The following PCDHGB1 variants were observed in gnomAD, a reference collection of about 807,000 sequenced individuals.
PCDHGB1 encodes the protein protocadherin gamma subfamily B, 1, also known as protocadherin gamma-B1.
In PCDHGB1, 34 loss-of-function variants were observed where a neutral mutation model predicts 56.6. The observed-to-expected ratio is 0.60, with a 90% CI of 0.46 to 0.80. The LOEUF is 0.80. PCDHGB1 is among the 30% of genes least tolerant of loss of function. PCDHGB1 has a pLI of 0.00. For missense variants in PCDHGB1, 1,278 were observed against 1,204.6 expected (o/e 1.06, Z -0.90); for synonymous variants, 561 against 505.9 (o/e 1.11, Z -1.46).
At position 141,486,927 on chromosome 5, in the gene PCDHGB1, G is replaced by A; in HGVS notation, c.2410-7880G>A. ...CCCCAAGCACTGCCTCCATCAGTTG[G>A]TGCTGGCCACCTAATCACAAAGGTG... On this transcript the variant is annotated intron_variant, in intron 1 of 3. Transcript: ENST00000523390. The surrounding 1 kb of genome is among the most constrained non-coding windows in gnomAD (Gnocchi z 5.0). 4 of 1,614,226 alleles carry A rather than the reference G, an allele frequency of 2.5e-6. No individual in the cohort carries two copies. Among genetic ancestry groups the A allele is most frequent in the Non-Finnish European group, 3.4e-6 (4 of 1,180,046 alleles).
At chr5:141,385,323 G>C (rs1781122610) in intron 1 of PCDHGB1, 1 of 1,607,092 alleles carries the variant, frequency 6.2e-7, no homozygotes, top group Non-Finnish European at 8.5e-7. Flanking sequence ...CAAGTATTCA[G>C]GTGAGCCCAG....
intron 1 of PCDHGB1, chr5:141,375,291 G>C: frequency 4.3e-6 from 7 of 1,613,756 alleles, no homozygotes; most frequent in Non-Finnish European, 5.9e-6. Context: ...AATTATTATC[G>C]ATTAGTGACA....
At chr5:141,372,966 C>T (rs1024382365) in intron 1 of PCDHGB1, 3 of 687,330 alleles carry the variant, frequency 4.4e-6, no homozygotes, top group Non-Finnish European at 7.0e-6. Context: ...TGTAGAATTT[C>T]CTGTAGAATA....
intron 1 of PCDHGB1, chr5:141,355,064 T>C (rs1759705435): frequency 7.5e-7 from 1 of 1,325,416 alleles, no homozygotes; most frequent in Non-Finnish European, 1.0e-6. Context: ...GCTCTGGAGC[T>C]TTATGAAAGC....
chr5:141,421,043 C>G (rs1201118615), intron 1 of PCDHGB1: 2 of 548,238 alleles, frequency 3.6e-6, no homozygotes, highest in Non-Finnish European at 6.3e-6. Flanking sequence ...CCTCCCTCCC[C>G]CGCCTCTACC....
At chr5:141,499,343 G>C (rs1184175548) in intron 2 of PCDHGB1, among the ~76,000 whole-genome samples, 1 of 152,146 alleles carries the variant, frequency 6.6e-6, no homozygotes, top group Non-Finnish European at 1.5e-5. Context: ...AGTTTGGGCA[G>C]TCATTCAACA....
intron 2 of PCDHGB1, among the ~76,000 whole-genome samples, chr5:141,502,832 G>T (rs1266910323): frequency 6.6e-6 from 1 of 150,516 alleles, no homozygotes; most frequent in Non-Finnish European, 1.5e-5. Context: ...GGGGAAGCCT[G>T]GACTGGCTGA....
chr5:141,387,669 TCTC>T lies in PCDHGB1; in HGVS notation c.2409+35004_2409+35006del, dbSNP rs61279892. 2,271 of 693,780 alleles carry T rather than the reference TCTC, an allele frequency of 3.3e-3. 45 individuals are homozygous for T. In the African/African-American group the frequency reaches 0.034, roughly 10 times the overall value. 43.0% of individuals were successfully genotyped at this position (693,780 alleles called of 1,614,324 possible). A position where few individuals can be genotyped will look rare whatever the true frequency, so the allele number is the denominator to read the frequency against. ...AAAGTGGAGAGCTTGGCGCTCCAGA[TCTC>T]CTCGCGCAGCCGCAGCGCGCTTTCC... On this transcript the variant is annotated intron_variant, in intron 1 of 3. Coordinates refer to ENST00000523390, the MANE Select transcript of PCDHGB1 (RefSeq NM_018922.3).
chr5:141,364,815 T>C, intron 1 of PCDHGB1: 1 of 1,613,998 alleles, frequency 6.2e-7, no homozygotes, highest in South Asian at 1.1e-5. Context: ...GATGCGGATG[T>C]GGGTGTGAAC....
At chr5:141,373,075 G>T (rs1337771380) in intron 1 of PCDHGB1, among the ~76,000 whole-genome samples, 1 of 152,076 alleles carries the variant, frequency 6.6e-6, no homozygotes, top group Non-Finnish European at 1.5e-5. Flanking sequence ...TTTTAATACA[G>T]TATTATCTCA....
rs1030462993 is a variant in PCDHGB1 at position 141,367,932 on chromosome 5, A to G, written c.2409+15263A>G. On this transcript the variant is annotated intron_variant, in intron 1 of 3. Coordinates refer to ENST00000523390, the MANE Select transcript of PCDHGB1 (RefSeq NM_018922.3). Reference sequence around the variant, plus strand: ...GAAAAAAAAAGAACTCAACTTAAAGATGGTTCAAAATTTTAAATTTCATAT... The same window carrying G: ...GAAAAAAAAAGAACTCAACTTAAAGGTGGTTCAAAATTTTAAATTTCATAT... 103 of 152,212 alleles carry G rather than the reference A, an allele frequency of 6.8e-4. 1 individual carries two copies. The highest frequency in any genetic ancestry group is 2.4e-3 in the African/African-American group (101 of 41,450). The allele number at this position is 152,212 out of a possible 1,614,324, so 9.4% of individuals were successfully genotyped here.
intron 1 of PCDHGB1, chr5:141,410,847 G>GTTTTTTT (rs773839667): frequency 8.8e-5 from 14 of 158,320 alleles, no homozygotes; most frequent in African/African-American, 4.2e-4. Flanking sequence ...TTTTGTCTTT[G>GTTTTTTT]TCTTTTTTTT....
intron 1 of PCDHGB1, chr5:141,410,576 C>T (rs533810160): frequency 8.7e-6 from 14 of 1,611,152 alleles, no homozygotes; most frequent in Non-Finnish European, 1.2e-5. Context: ...AATTCCACCT[C>T]ATGGTGGGGA....
At chr5:141,360,936 CGACCGG>C (rs1761810016) in intron 1 of PCDHGB1, 1 of 1,613,836 alleles carries the variant, frequency 6.2e-7, no homozygotes, top group African/African-American at 1.3e-5. Context: ...TGACAGCCAC[CGACCGG>C]GATGAAGGCA....
Position 141,491,730 on chromosome 5 carries a change from C to G in PCDHGB1, c.2410-3077C>G, listed in dbSNP as rs1346666614. 1 of 1,603,920 alleles carries G rather than the reference C, an allele frequency of 6.2e-7. No homozygotes were observed. Among genetic ancestry groups the G allele is most frequent in the Non-Finnish European group, 8.5e-7 (1 of 1,175,836 alleles). ...GGGGCTCGGCGCCGCCCCGGGCGAC[C>G]CCTGGGGGCGGCACTGGAGAAGCCG... On this transcript the variant is annotated intron_variant, in intron 1 of 3. Coordinates refer to ENST00000523390, the MANE Select transcript of PCDHGB1 (RefSeq NM_018922.3). The surrounding 1 kb of genome is among the most constrained non-coding windows in gnomAD (Gnocchi z 6.9).
Position 141,485,950 on chromosome 5 carries a change from G to A in PCDHGB1, c.2410-8857G>A. ...TGTTGGAGAGCGCACCAGCGGGCAT[G>A]GTGCTCATCCAGCTCAATGCCTCAG... On this transcript the variant is annotated intron_variant, in intron 1 of 3. Transcript: ENST00000523390. The surrounding 1 kb of genome is among the most constrained non-coding windows in gnomAD (Gnocchi z 5.7). 6.2e-7 allele frequency: 1 copy of A among 1,614,184 alleles called. No individual in the cohort carries two copies. The highest frequency in any genetic ancestry group is 8.5e-7 in the Non-Finnish European group (1 of 1,180,030).
intron 1 of PCDHGB1, chr5:141,405,447 T>C (rs2094668355): frequency 7.5e-7 from 1 of 1,339,134 alleles, no homozygotes; most frequent in South Asian, 1.3e-5. Flanking sequence ...TGAGACAGAG[T>C]CTTACTCTGT....
intron 1 of PCDHGB1, chr5:141,427,231 G>A (rs1561827383): frequency 2.2e-6 from 1 of 456,612 alleles, no homozygotes; most frequent in African/African-American, 2.0e-5. Flanking sequence ...TATACCATGA[G>A]AGTAGAAGCT....
At chr5:141,392,131 T>C (rs1434001990) in intron 1 of PCDHGB1, 2 of 152,204 alleles carry the variant, frequency 1.3e-5, no homozygotes, top group African/African-American at 4.8e-5. Flanking sequence ...TGTAAAATGA[T>C]TAAGTAGTTT....
Sources: gnomAD v4.1 joint callset for allele counts (sites outside exome capture counted in the v4.1 genomes callset) on GRCh38, gnomAD v4.1.1 for gene constraint, Gnocchi (gnomAD v3.1) non-coding constraint, MANE v1.5 for transcripts, NCBI Gene and HGNC (gene_info 2026-07-23, HGNC 2026-07-21) for gene names.